The following NRXN3 variants were observed in gnomAD, a reference collection of about 807,000 sequenced individuals.
NRXN3 encodes the protein neurexin III.
A neutral mutation model predicts 137.6 loss-of-function variants in NRXN3; 32 were observed. That is an observed-to-expected ratio of 0.23 (90% CI 0.18 to 0.31). NRXN3 has a LOEUF of 0.31. Among genes scored for constraint, NRXN3 ranks in the 10% least tolerant of loss-of-function variants. The probability of loss-of-function intolerance (pLI) is 1.00; values close to 1 mark genes in which losing one functional copy is unlikely to be tolerated. For synonymous variants in NRXN3, 798 were observed against 784.5 expected, an observed-to-expected ratio of 1.02 and a Z score of -0.29; for missense variants, 1,574 against 2,062.5, an observed-to-expected ratio of 0.76 and a Z score of 4.59.
At chr14:79,014,430 T>A (rs2099575894) in intron 15 of NRXN3, among the ~76,000 whole-genome samples, 1 of 152,178 alleles carries the variant, frequency 6.6e-6, no homozygotes, top group African/African-American at 2.4e-5. Context: ...GCTGCAGACA[T>A]GATCTCATTC....
At chr14:79,775,056 C>T (rs2099092332) in intron 19 of NRXN3, among the ~76,000 whole-genome samples, 1 of 151,910 alleles carries the variant, frequency 6.6e-6, no homozygotes, top group African/African-American at 2.4e-5. Flanking sequence ...TACTCCTGGA[C>T]TTACTAGTAA....
chr14:78,534,939 T>C (rs912394348), intron 4 of NRXN3, among the ~76,000 whole-genome samples: 4 of 152,182 alleles, frequency 2.6e-5, no homozygotes, highest in Non-Finnish European at 5.9e-5. Flanking sequence ...TTAAAATTGG[T>C]GTATTTTCCC....
intron 1 of NRXN3, among the ~76,000 whole-genome samples, chr14:78,171,180 A>G (rs1209618197): frequency 2.0e-5 from 3 of 150,122 alleles, no homozygotes; most frequent in Non-Finnish European, 4.4e-5. Context: ...GGATTTCCCT[A>G]GCTGTTGAGG....
chr14:79,178,137 C>T (rs912386297), intron 15 of NRXN3, among the ~76,000 whole-genome samples: 3 of 152,160 alleles, frequency 2.0e-5, no homozygotes, highest in Non-Finnish European at 4.4e-5. Context: ...GGGCTCCACC[C>T]AGGTTTCCTG....
intron 8 of NRXN3, among the ~76,000 whole-genome samples, chr14:78,756,666 A>T (rs1301770737): frequency 1.3e-5 from 2 of 151,040 alleles, no homozygotes; most frequent in Non-Finnish European, 2.9e-5. Context: ...GACTTTGTTT[A>T]AAAAACAAAA....
At chr14:78,212,941 G>A (rs66600803) in intron 1 of NRXN3, among the ~76,000 whole-genome samples, 8,408 of 152,148 alleles carry the variant, frequency 0.055, 267 homozygotes, top group Admixed American at 0.06. Context: ...TGTGGTTTGG[G>A]GGTCTCCAGG....
chr14:79,653,490 C>A (rs1207876868), intron 16 of NRXN3, among the ~76,000 whole-genome samples: 1 of 151,992 alleles, frequency 6.6e-6, no homozygotes, highest in Non-Finnish European at 1.5e-5. Flanking sequence ...TATAACTTTG[C>A]TCCATCTCCT....
chr14:79,855,373 T>C (rs138129032), intron 20 of NRXN3, among the ~76,000 whole-genome samples: 4 of 152,252 alleles, frequency 2.6e-5, no homozygotes, highest in African/African-American at 9.6e-5. Flanking sequence ...TGGATAAGAG[T>C]GTTTCCAAGC....
intron 4 of NRXN3, among the ~76,000 whole-genome samples, chr14:78,634,454 TA>T (rs1372643513): frequency 6.6e-6 from 1 of 152,208 alleles, no homozygotes; most frequent in African/African-American, 2.4e-5. Flanking sequence ...TTGACATCCA[TA>T]AATCAAATAA....
intron 15 of NRXN3, among the ~76,000 whole-genome samples, chr14:79,138,001 A>G (rs2058415458): frequency 6.6e-6 from 1 of 152,222 alleles, no homozygotes; most frequent in Admixed American, 6.5e-5. Context: ...CCTTTTGTAG[A>G]AAGCAATAAG....
intron 6 of NRXN3, among the ~76,000 whole-genome samples, chr14:78,656,799 T>C (rs1362020836): frequency 6.6e-6 from 1 of 152,040 alleles, no homozygotes; most frequent in African/African-American, 2.4e-5. Context: ...ATCCCAGAAC[T>C]TTGGGAGGCC....
intron 6 of NRXN3, among the ~76,000 whole-genome samples, chr14:78,704,926 T>G (rs972730742): frequency 6.6e-6 from 1 of 152,212 alleles, no homozygotes; most frequent in African/African-American, 2.4e-5. Context: ...TTAAAGATCA[T>G]GGAGGAATAT....
chr14:79,817,312 C>T (rs560778866), intron 20 of NRXN3, among the ~76,000 whole-genome samples: 2 of 152,208 alleles, frequency 1.3e-5, no homozygotes, highest in African/African-American at 4.8e-5. Flanking sequence ...CTTGGCCTCC[C>T]GAAGTTCTGG....
intron 15 of NRXN3, among the ~76,000 whole-genome samples, chr14:79,406,441 A>T (rs2095314173): frequency 6.6e-6 from 1 of 151,954 alleles, no homozygotes; most frequent in Non-Finnish European, 1.5e-5. Flanking sequence ...AGCTGGGATC[A>T]CAGTTGCATG....
At chr14:79,506,819 G>A (rs2096883229) in intron 16 of NRXN3, among the ~76,000 whole-genome samples, 1 of 152,172 alleles carries the variant, frequency 6.6e-6, no homozygotes, top group Non-Finnish European at 1.5e-5. Context: ...TTGCTTTAGA[G>A]GGGCATCACC....
At chr14:79,443,775 G>A (rs2096008286) in intron 15 of NRXN3, among the ~76,000 whole-genome samples, 1 of 152,186 alleles carries the variant, frequency 6.6e-6, no homozygotes, top group South Asian at 2.1e-4. Flanking sequence ...CTCAACATCA[G>A]CTACTTCTCA....
At chr14:79,412,836 C>T (rs1835206223) in intron 15 of NRXN3, among the ~76,000 whole-genome samples, 1 of 135,774 alleles carries the variant, frequency 7.4e-6, no homozygotes, top group African/African-American at 2.7e-5. Context: ...GCTGCAAGGA[C>T]ATTTTCATTA....
chr14:78,923,150 G>A (rs548263630), intron 10 of NRXN3, among the ~76,000 whole-genome samples: 4 of 152,204 alleles, frequency 2.6e-5, no homozygotes, highest in East Asian at 3.9e-4. Context: ...GTGCTGCCTC[G>A]AGCCCACAAG....
At chr14:79,653,639 A>G (rs1021805661) in intron 16 of NRXN3, among the ~76,000 whole-genome samples, 7 of 152,174 alleles carry the variant, frequency 4.6e-5, no homozygotes, top group Admixed American at 3.9e-4. Flanking sequence ...AGTGGGATCT[A>G]AGATAGATTA....
Sources: allele counts gnomAD v4.1 joint callset (sites outside exome capture counted in the v4.1 genomes callset), GRCh38; gene constraint gnomAD v4.1.1; transcripts MANE v1.5; gene names NCBI Gene and HGNC (gene_info 2026-07-23, HGNC 2026-07-21).